RBMS3: variants seen among roughly 807,000 people sequenced by gnomAD.
RBMS3 encodes RNA-binding motif, single-stranded-interacting protein 3.
A neutral mutation model predicts 66.8 loss-of-function variants in RBMS3; 27 were observed. The ratio of observed to expected loss-of-function variants is 0.40; its 90% CI spans 0.30 to 0.56. The LOEUF is 0.56. Ranked by LOEUF, RBMS3 falls within the 20% of genes least tolerant of loss-of-function variation. The probability of loss-of-function intolerance (pLI) is 0.40; values close to 1 mark genes in which losing one functional copy is unlikely to be tolerated. For synonymous variants in RBMS3, 188 were observed against 183.0 expected (o/e 1.03, Z -0.22); for missense variants, 513 against 549.5 (o/e 0.93, Z 0.66).
At chr3:29,442,420 G>T (rs186046119) in intron 2 of RBMS3, among the ~76,000 whole-genome samples, 1 of 152,016 alleles carries the variant, frequency 6.6e-6, no homozygotes, top group Non-Finnish European at 1.5e-5. Context: ...TTAAATTCCT[G>T]ATAGCCGATG....
At chr3:29,972,549 C>A (rs903095201) in intron 12 of RBMS3, among the ~76,000 whole-genome samples, 5 of 146,610 alleles carry the variant, frequency 3.4e-5, no homozygotes, top group Middle Eastern at 3.4e-3. Context: ...CAAGTTCTGT[C>A]TCTGAAAATC....
rs544635827 is a variant in RBMS3 at position 29,997,372 on chromosome 3, T to C, written c.1307+6163T>C. On this transcript the variant is annotated intron_variant, in intron 14 of 14. Coordinates refer to ENST00000383767, the MANE Select transcript of RBMS3 (RefSeq NM_001003793.3). ...GAACTGGTACCATTCCTTCTGAAAC[T>C]ATTCCAATCAACAGAAAAAGAGGGA... 3.7e-3 allele frequency among the ~76,000 whole-genome samples: 563 copies of C among 150,158 alleles called. 3 individuals are homozygous for C. The highest frequency in any genetic ancestry group is 6.1e-3 in the Non-Finnish European group (416 of 67,896).
At chr3:29,673,940 G>T (rs749081304) in intron 4 of RBMS3, among the ~76,000 whole-genome samples, 1 of 152,058 alleles carries the variant, frequency 6.6e-6, no homozygotes, top group Non-Finnish European at 1.5e-5. Context: ...GCCTGGCAGA[G>T]ATACAACAAA....
intron 3 of RBMS3, chr3:29,526,117 A>G (rs934094606): frequency 3.9e-5 from 6 of 152,198 alleles, no homozygotes; most frequent in East Asian, 1.9e-4. Context: ...CAGCCTGGGC[A>G]TCATCTGGGA....
chr3:29,377,544 C>T (rs573602548), intron 1 of RBMS3, among the ~76,000 whole-genome samples: 72 of 152,324 alleles, frequency 4.7e-4, no homozygotes, highest in African/African-American at 1.7e-3. Flanking sequence ...TTTACCTCCA[C>T]GTTGGCTGCC....
chr3:29,739,126 AT>A (rs758201824), intron 4 of RBMS3, among the ~76,000 whole-genome samples: 11 of 152,234 alleles, frequency 7.2e-5, no homozygotes, highest in Non-Finnish European at 1.5e-4. Context: ...ATAAAAAAGA[AT>A]ATACACATTT....
At chr3:29,868,212 T>G (rs115008959) in intron 6 of RBMS3, among the ~76,000 whole-genome samples, 322 of 151,738 alleles carry the variant, frequency 2.1e-3, no homozygotes, top group African/African-American at 7.7e-3. Flanking sequence ...CATCAAGCAA[T>G]CTGGGACTCA....
chr3:29,460,415 T>C (rs2042334580), intron 2 of RBMS3, among the ~76,000 whole-genome samples: 2 of 152,244 alleles, frequency 1.3e-5, no homozygotes, highest in South Asian at 4.1e-4. Flanking sequence ...CTGTGTAAAC[T>C]GACTCCCAAA....
chr3:29,321,095 C>T (rs1165381950), intron 1 of RBMS3, among the ~76,000 whole-genome samples: 3 of 152,062 alleles, frequency 2.0e-5, no homozygotes, highest in Non-Finnish European at 4.4e-5. Flanking sequence ...GGGCAGGAAC[C>T]TTAAGATAGA....
chr3:29,940,385 A>C (rs1185873239), intron 11 of RBMS3, among the ~76,000 whole-genome samples: 1 of 151,894 alleles, frequency 6.6e-6, no homozygotes, highest in Non-Finnish European at 1.5e-5. Flanking sequence ...CAAGATTAAG[A>C]TTAAGATAGG....
chr3:29,817,840 G>T (rs909488441), intron 6 of RBMS3, among the ~76,000 whole-genome samples: 4 of 151,966 alleles, frequency 2.6e-5, no homozygotes, highest in African/African-American at 9.7e-5. Context: ...AGGAGCCATT[G>T]TAGTTTCAAC....
intron 1 of RBMS3, among the ~76,000 whole-genome samples, chr3:29,327,306 GCTGT>G (rs1250317481): frequency 2.0e-5 from 3 of 152,062 alleles, no homozygotes; most frequent in African/African-American, 7.2e-5. Context: ...TAAGAATTGT[GCTGT>G]CTTTTTGTAA....
At chr3:29,885,271 T>A (rs1301031401) in intron 8 of RBMS3, among the ~76,000 whole-genome samples, 6 of 151,904 alleles carry the variant, frequency 3.9e-5, no homozygotes, top group Admixed American at 3.9e-4. Flanking sequence ...AGGAGTATAG[T>A]CCTTTGTCCT....
At chr3:29,697,357 T>G (rs1269463821) in intron 4 of RBMS3, among the ~76,000 whole-genome samples, 20 of 152,180 alleles carry the variant, frequency 1.3e-4, no homozygotes, top group African/African-American at 4.8e-4. Flanking sequence ...ACAATCCTAT[T>G]TATCATTTTA....
intron 6 of RBMS3, among the ~76,000 whole-genome samples, chr3:29,837,765 T>G (rs1029028037): frequency 2.0e-5 from 3 of 146,846 alleles, no homozygotes; most frequent in African/African-American, 7.5e-5. Flanking sequence ...GTTGATTTTA[T>G]GCCTTAATGA....
At chr3:29,339,373 G>C (rs2036148144) in intron 1 of RBMS3, among the ~76,000 whole-genome samples, 1 of 152,120 alleles carries the variant, frequency 6.6e-6, no homozygotes, top group Admixed American at 6.6e-5. Context: ...TCGTGTGCTG[G>C]TCTGAGCACC....
chr3:29,827,789 AG>A (rs1257064434), intron 6 of RBMS3, among the ~76,000 whole-genome samples: 3 of 152,212 alleles, frequency 2.0e-5, no homozygotes, highest in Non-Finnish European at 2.9e-5. Flanking sequence ...CCTATTGACA[AG>A]GTAATCCATA....
intron 5 of RBMS3, among the ~76,000 whole-genome samples, chr3:29,751,004 A>G (rs1224671156): frequency 2.0e-5 from 3 of 150,836 alleles, no homozygotes; most frequent in African/African-American, 7.3e-5. Context: ...AAGTCAATGC[A>G]TAATAATAGT....
Position 29,563,335 on chromosome 3 carries a change from T to C in RBMS3, c.308-23779T>C, listed in dbSNP as rs558398604. 7.0e-4 allele frequency among the ~76,000 whole-genome samples: 106 copies of C among 152,342 alleles called. 1 individual carries two copies. Among genetic ancestry groups the C allele is most frequent in the African/African-American group, 2.3e-3 (96 of 41,586 alleles). ...AACACTCTCCTAAATTGCTTGGATA[T>C]TTCAAGCTTTAATTCTATTGTCAAT... On this transcript the variant is annotated intron_variant, in intron 3 of 14. Coordinates refer to ENST00000383767, the MANE Select transcript of RBMS3 (RefSeq NM_001003793.3).
Sources: allele counts gnomAD v4.1 joint callset (sites outside exome capture counted in the v4.1 genomes callset), GRCh38; gene constraint gnomAD v4.1.1; transcripts MANE v1.5; gene names NCBI Gene and HGNC (gene_info 2026-07-23, HGNC 2026-07-21).